NKAIN3: variants seen among roughly 807,000 people sequenced by gnomAD.
NKAIN3 encodes the protein sodium/potassium-transporting ATPase subunit beta-1-interacting protein 3.
Under a neutral mutation model 30.2 loss-of-function variants are expected in NKAIN3, and 25 were observed. The observed-to-expected ratio is 0.83, with a 90% CI of 0.60 to 1.16. The LOEUF is 1.16. Ranked by LOEUF, NKAIN3 falls within the 50% of genes most tolerant of loss-of-function variation. NKAIN3 has a pLI of 0.00. For missense variants in NKAIN3, 225 were observed against 254.1 expected (o/e 0.89, Z 0.78); for synonymous variants, 91 against 89.6 (o/e 1.02, Z -0.09).
At chr8:62,796,021 T>C (rs1449256655) in intron 4 of NKAIN3, among the ~76,000 whole-genome samples, 2 of 152,106 alleles carry the variant, frequency 1.3e-5, no homozygotes, top group African/African-American at 2.4e-5. Context: ...AAAAAATGAC[T>C]GTCTTCAATT....
intron 1 of NKAIN3, among the ~76,000 whole-genome samples, chr8:62,535,139 A>C (rs1009582950): frequency 2.4e-4 from 36 of 152,182 alleles, no homozygotes; most frequent in Non-Finnish European, 4.6e-4. Context: ...CTAGCAGATG[A>C]GCACTGAGTT....
intron 1 of NKAIN3, among the ~76,000 whole-genome samples, chr8:62,307,285 AT>A (rs1482996609): frequency 3.4e-5 from 5 of 147,692 alleles, no homozygotes; most frequent in African/African-American, 1.3e-4. Flanking sequence ...AAAAAAAAAA[AT>A]TCTGAAAGTC....
At chr8:62,539,532 C>T (rs1175458283) in intron 1 of NKAIN3, among the ~76,000 whole-genome samples, 1 of 152,168 alleles carries the variant, frequency 6.6e-6, no homozygotes, top group African/African-American at 2.4e-5. Context: ...TGATCAATCA[C>T]ACAAAGACAT....
intron 1 of NKAIN3, among the ~76,000 whole-genome samples, chr8:62,462,416 G>A (rs1176893565): frequency 6.6e-6 from 1 of 152,150 alleles, no homozygotes; most frequent in Non-Finnish European, 1.5e-5. Flanking sequence ...AATGTGGGGA[G>A]CTTCATCCTT....
intron 1 of NKAIN3, among the ~76,000 whole-genome samples, chr8:62,364,680 A>G (rs1459302061): frequency 6.6e-6 from 1 of 151,804 alleles, no homozygotes; most frequent in Non-Finnish European, 1.5e-5. Flanking sequence ...TCTACTAAAA[A>G]CACAAAAAAT....
intron 1 of NKAIN3, among the ~76,000 whole-genome samples, chr8:62,453,185 A>C (rs1316220511): frequency 6.6e-6 from 1 of 152,218 alleles, no homozygotes. Context: ...GACTAAGAAA[A>C]AATTCAATAT....
chr8:62,694,937 G>C (rs1212646999), intron 3 of NKAIN3, among the ~76,000 whole-genome samples: 1 of 152,134 alleles, frequency 6.6e-6, no homozygotes, highest in African/African-American at 2.4e-5. Flanking sequence ...AAAAATTAGA[G>C]ATCTTCAAAC....
intron 1 of NKAIN3, among the ~76,000 whole-genome samples, chr8:62,567,723 G>A (rs962263920): frequency 1.3e-5 from 2 of 151,932 alleles, no homozygotes; most frequent in African/African-American, 4.8e-5. Flanking sequence ...AAAAAAGGAA[G>A]TCTCCCCTAT....
chr8:62,650,252 T>C (rs1161008996), intron 3 of NKAIN3, among the ~76,000 whole-genome samples: 1 of 152,174 alleles, frequency 6.6e-6, no homozygotes, highest in Non-Finnish European at 1.5e-5. Flanking sequence ...TTATCAACCC[T>C]TCTTTCCTAC....
At chr8:62,817,841 C>T (rs1473387687) in intron 4 of NKAIN3, among the ~76,000 whole-genome samples, 1 of 152,148 alleles carries the variant, frequency 6.6e-6, no homozygotes, top group Non-Finnish European at 1.5e-5. Flanking sequence ...GGCTCACAGA[C>T]CAGGGTCCAG....
At chr8:62,393,562 A>C (rs1316866480) in intron 1 of NKAIN3, among the ~76,000 whole-genome samples, 1 of 151,904 alleles carries the variant, frequency 6.6e-6, no homozygotes, top group African/African-American at 2.4e-5. Context: ...TTTCTTAAAA[A>C]AATTTTTAAG....
chr8:62,617,046 C>T (rs1811477263), intron 3 of NKAIN3, among the ~76,000 whole-genome samples: 1 of 149,966 alleles, frequency 6.7e-6, no homozygotes, highest in Admixed American at 6.6e-5. Flanking sequence ...CTCTCTCTCC[C>T]TTGTTCTTGC....
At chr8:62,258,988 C>T (rs1215969902) in intron 1 of NKAIN3, among the ~76,000 whole-genome samples, 4 of 152,124 alleles carry the variant, frequency 2.6e-5, no homozygotes, top group Admixed American at 2.6e-4. Context: ...CAAAGGTGTT[C>T]ATGTGTTACA....
intron 5 of NKAIN3, among the ~76,000 whole-genome samples, chr8:62,943,815 T>A (rs2130886170): frequency 6.7e-6 from 1 of 148,946 alleles, no homozygotes; most frequent in East Asian, 1.9e-4. Context: ...TATAAATATA[T>A]ATATATACAC....
chr8:62,630,666 A>G (rs1338255189), intron 3 of NKAIN3, among the ~76,000 whole-genome samples: 1 of 152,098 alleles, frequency 6.6e-6, no homozygotes, highest in Non-Finnish European at 1.5e-5. Context: ...CTGAACTCTC[A>G]TCACCCCCAA....
intron 4 of NKAIN3, among the ~76,000 whole-genome samples, chr8:62,789,971 C>A (rs1225612309): frequency 6.6e-6 from 1 of 152,114 alleles, no homozygotes; most frequent in Non-Finnish European, 1.5e-5. Flanking sequence ...ATGAGGCCAG[C>A]ATCATCCTGA....
intron 3 of NKAIN3, among the ~76,000 whole-genome samples, chr8:62,694,394 G>T (rs963363555): frequency 6.6e-6 from 1 of 152,160 alleles, no homozygotes; most frequent in Non-Finnish European, 1.5e-5. Context: ...GAAATCTTAT[G>T]ATTTGTAGCA....
At chr8:62,649,474 A>G (rs1398160332) in intron 3 of NKAIN3, among the ~76,000 whole-genome samples, 1 of 152,212 alleles carries the variant, frequency 6.6e-6, no homozygotes, top group Non-Finnish European at 1.5e-5. Context: ...AAATTTTGTG[A>G]ATAATACCTT....
At chr8:62,793,360 G>A (rs1475103972) in intron 4 of NKAIN3, among the ~76,000 whole-genome samples, 1 of 152,004 alleles carries the variant, frequency 6.6e-6, no homozygotes, top group African/African-American at 2.4e-5. Context: ...GCTTCCTCAT[G>A]GCTTTATCTC....
Sources: allele counts gnomAD v4.1 joint callset (sites outside exome capture counted in the v4.1 genomes callset), GRCh38; gene constraint gnomAD v4.1.1; transcripts MANE v1.5; gene names NCBI Gene and HGNC (gene_info 2026-07-23, HGNC 2026-07-21).